TRPA1: variants seen among roughly 807,000 people sequenced by gnomAD.
TRPA1 encodes ankyrin-like with transmembrane domains 1.
In TRPA1, 129 loss-of-function variants were observed where a neutral mutation model predicts 131.3. That is an observed-to-expected ratio of 0.98 (90% CI 0.85 to 1.14). The LOEUF is 1.14. Among genes scored for constraint, TRPA1 ranks in the 50% most tolerant of loss-of-function variants. The pLI is 0.00. For synonymous variants in TRPA1, 441 were observed against 451.7 expected (o/e 0.98, Z 0.30); for missense variants, 1,304 against 1,354.2 (o/e 0.96, Z 0.58).
intron 24 of TRPA1, 177 bp downstream of exon 24, chr8:72,029,724 A>C (rs1433382882): frequency 1.4e-6 from 1 of 712,526 alleles, no homozygotes; most frequent in Non-Finnish European, 2.5e-6. Flanking sequence ...CGAGGAACAG[A>C]ACCCAGTCAG....
chr8:72,023,764 A>G, intron 26 of TRPA1, 50 bp downstream of exon 26: 1 of 1,055,796 alleles, frequency 9.5e-7, no homozygotes, highest in East Asian at 2.4e-5. Flanking sequence ...GTGCATTATT[A>G]TTTATGAGTT....
At chr8:72,072,839 G>A (rs887302561) in intron 1 of TRPA1, among the ~76,000 whole-genome samples, 2 of 152,276 alleles carry the variant, frequency 1.3e-5, no homozygotes, top group African/African-American at 4.8e-5. Context: ...ACTCTTTAGA[G>A]GGAGTACTAG....
In TRPA1 at chr8:72,046,591, T is replaced by C. The variant is rs773897445; in HGVS notation, c.1983A>G (p.Lys661=). Reference sequence around the variant, plus strand: ...TGAATTCTAATGGACATTGAAGATATTTGAAATTATACTCGATCTGTAGAA... The same window carrying C: ...TGAATTCTAATGGACATTGAAGATACTTGAAATTATACTCGATCTGTAGAA... ...CRDYYIEYNF[K]YLQCPLEFTK... The change falls in exon 17 of 27, where the codon AAA becomes AAG. Residue 661 remains lysine, a synonymous_variant. Coordinates refer to ENST00000262209, the MANE Select transcript of TRPA1 (RefSeq NM_007332.3). 11 of 1,585,376 alleles carry C rather than the reference T, an allele frequency of 6.9e-6. No homozygotes were observed. The East Asian group carries it at 2.0e-4, about 29-fold the overall frequency.
intron 7 of TRPA1, chr8:72,060,399 C>A (rs1045833443): frequency 1.3e-5 from 2 of 151,972 alleles, no homozygotes; most frequent in African/African-American, 4.8e-5. Flanking sequence ...GAGCTACCCA[C>A]GTGATTCTAA....
At chr8:72,076,536 G>C (rs141924824), upstream of TRPA1, 1 of 152,452 alleles carries the variant, frequency 6.6e-6, no homozygotes, top group South Asian at 2.1e-4. Context: ...GCTTCCTGAA[G>C]GCCCTGGATT....
rs1321145563 is a variant in TRPA1, at chr8:72,071,706, G to T, written c.268+5C>A. On this transcript the variant is annotated splice_donor_5th_base_variant and intron_variant, in intron 2 of 26. Coordinates refer to ENST00000262209, the MANE Select transcript of TRPA1 (RefSeq NM_007332.3). The stretch of plus-strand genomic sequence containing the variant: ...TCTGGAAGATGAATTGTAATATTTT[G>T]TTACCTTCCAAAGAGGAATCTCTGG... The T allele has an allele frequency of 2.5e-6, 4 of 1,613,230 alleles. No individual in the cohort carries two copies. The highest frequency in any genetic ancestry group is 1.3e-5 in the African/African-American group (1 of 74,878).
chr8:72,079,871 C>A (rs1806256744), upstream of TRPA1, among the ~76,000 whole-genome samples: 1 of 151,872 alleles, frequency 6.6e-6, no homozygotes, highest in Non-Finnish European at 1.5e-5. Flanking sequence ...ACAGTTCATG[C>A]ATATTTTTGG....
At chr8:72,045,080 T>C (rs1812382915) in intron 17 of TRPA1, among the ~76,000 whole-genome samples, 1 of 152,016 alleles carries the variant, frequency 6.6e-6, no homozygotes, top group African/African-American at 2.4e-5. Flanking sequence ...TAAGTATAAC[T>C]GTAGTGTAGT....
chr8:72,057,583 TCACAA>T, intron 9 of TRPA1, 129 bp downstream of exon 9: 1 of 752,718 alleles, frequency 1.3e-6, no homozygotes, highest in East Asian at 2.6e-5. Context: ...ATTTTTAAAT[TCACAA>T]CACCTGGCCC....
At chr8:72,088,015 T>A in the TRPA1 span, among the ~76,000 whole-genome samples, 1 of 152,224 alleles carries the variant, frequency 6.6e-6, no homozygotes, top group Non-Finnish European at 1.5e-5. Flanking sequence ...ACACTCTGCC[T>A]TAGCCTATGG....
chr8:72,037,479 G>A (rs1326669486), intron 20 of TRPA1, among the ~76,000 whole-genome samples: 2 of 151,980 alleles, frequency 1.3e-5, no homozygotes, highest in African/African-American at 4.8e-5. Context: ...TTAAAAAGTG[G>A]AATATAAAGT....
In TRPA1 at chr8:72,061,763, T is replaced by G. The variant is rs1472117889; in HGVS notation, c.808-2A>C. ...ATGAATGGCTGTGCACCTTCCCTTCTGTAAAGGGTTTTAATGCTAGAATCA... is the reference window on the plus strand; with the variant it reads ...ATGAATGGCTGTGCACCTTCCCTTCGGTAAAGGGTTTTAATGCTAGAATCA... On this transcript the variant is annotated splice_acceptor_variant, in intron 6 of 26. Coordinates refer to ENST00000262209, the MANE Select transcript of TRPA1 (RefSeq NM_007332.3). LOFTEE classifies it high-confidence loss of function. 1.9e-6 allele frequency: 3 copies of G among 1,613,798 alleles called. No homozygotes were observed. The African/African-American group carries it at 4.0e-5, about 22-fold the overall frequency.
intron 3 of TRPA1, among the ~76,000 whole-genome samples, chr8:72,068,324 A>C (rs1282910386): frequency 6.6e-6 from 1 of 152,222 alleles, no homozygotes; most frequent in Admixed American, 6.5e-5. Flanking sequence ...TTTGTGTTCT[A>C]GGGTGTTTGA....
chr8:72,044,069 T>C (rs1812346059), intron 17 of TRPA1, among the ~76,000 whole-genome samples: 1 of 151,884 alleles, frequency 6.6e-6, no homozygotes. Flanking sequence ...TATTTATTTT[T>C]ACCCCAACCA....
intron 3 of TRPA1, among the ~76,000 whole-genome samples, chr8:72,067,220 G>A (rs1453002119): frequency 6.6e-6 from 1 of 152,178 alleles, no homozygotes; most frequent in Non-Finnish European, 1.5e-5. Context: ...TTACAGGCCG[G>A]ACCATGGGCA....
intron 14 of TRPA1, 171 bp downstream of exon 14, chr8:72,052,428 A>G (rs534297157): frequency 1.6e-4 from 114 of 707,578 alleles, no homozygotes; most frequent in Non-Finnish European, 2.2e-4. Context: ...TCTAAAAATA[A>G]ATAAATAAAA....
upstream of TRPA1, among the ~76,000 whole-genome samples, chr8:72,075,859 A>AGTGTGTGTGTGTGTGTGT (rs61575164): frequency 7.4e-6 from 1 of 135,030 alleles, no homozygotes; most frequent in African/African-American, 2.9e-5. Context: ...CTTGCATGTG[A>AGTGTGTGTGTGTGTGTGT]GTGTGTGTGT....
chr8:72,046,689 AAT>A, intron 16 of TRPA1, 81 bp from the exon 17 acceptor site: 1 of 729,264 alleles, frequency 1.4e-6, no homozygotes, highest in Non-Finnish European at 2.3e-6. Flanking sequence ...GAAAAAATCA[AAT>A]ACACAAATTT....
At chr8:72,052,994 T>TGTGTGTGTGTGTGTGTGTGTGTGTGATA (rs1491537785) in intron 13 of TRPA1, 3 of 330,288 alleles carry the variant, frequency 9.1e-6, no homozygotes, top group African/African-American at 2.7e-5. Context: ...TGTGTGTGTG[T>TGTGTGTGTGTGTGTGTGTGTGTGTGATA]GAGAGATAGA....
Sources: allele counts gnomAD v4.1 joint callset (sites outside exome capture counted in the v4.1 genomes callset), GRCh38; gene constraint gnomAD v4.1.1; transcripts MANE v1.5; gene names NCBI Gene and HGNC (gene_info 2026-07-23, HGNC 2026-07-21).